The following CLASP1 variants were observed in gnomAD, a reference collection of about 807,000 sequenced individuals.
The protein encoded by CLASP1 is CLIP-associating protein 1.
A neutral mutation model predicts 192.3 loss-of-function variants in CLASP1; 38 were observed. That is an observed-to-expected ratio of 0.20 (90% CI 0.15 to 0.26). CLASP1 has a LOEUF of 0.26. CLASP1 is among the 10% of genes least tolerant of loss of function. The pLI, the probability that CLASP1 is intolerant of heterozygous loss-of-function variation, is 1.00. For synonymous variants in CLASP1, 691 were observed against 712.8 expected (o/e 0.97, Z 0.49); for missense variants, 1,433 against 1,932.5 (o/e 0.74, Z 4.85).
chr2:121,387,191 C>G, exon 32 of CLASP1: 1 of 1,609,696 alleles, frequency 6.2e-7, no homozygotes, highest in Non-Finnish European at 8.5e-7. Flanking sequence ...GCTGGTGTGT[C>G]GGGAGGGCGT....
At chr2:121,504,408 A>G (rs764092924) in intron 7 of CLASP1, among the ~76,000 whole-genome samples, 14 of 152,134 alleles carry the variant, frequency 9.2e-5, no homozygotes, top group Admixed American at 1.3e-4. Flanking sequence ...TTTTCTTCTC[A>G]AGCGAATGGA....
intron 1 of CLASP1, among the ~76,000 whole-genome samples, chr2:121,615,643 G>A (rs2066325572): frequency 1.3e-5 from 2 of 152,024 alleles, no homozygotes; most frequent in Non-Finnish European, 1.5e-5. Flanking sequence ...AATTAGCAGG[G>A]TGTGGTGGCA....
At chr2:121,365,554 A>G (rs2067240181) in intron 35 of CLASP1, among the ~76,000 whole-genome samples, 1 of 152,170 alleles carries the variant, frequency 6.6e-6, no homozygotes, top group Admixed American at 6.5e-5. Context: ...CTTCCTTGCT[A>G]TCTTTTCCCT....
At chr2:121,546,673 G>C (rs1030945741) in intron 2 of CLASP1, among the ~76,000 whole-genome samples, 1 of 152,026 alleles carries the variant, frequency 6.6e-6, no homozygotes, top group Non-Finnish European at 1.5e-5. Flanking sequence ...GAGCTACATG[G>C]AATCTTGGCA....
intron 30 of CLASP1, among the ~76,000 whole-genome samples, chr2:121,393,650 A>G (rs1352595640): frequency 6.6e-6 from 1 of 152,190 alleles, no homozygotes; most frequent in East Asian, 1.9e-4. Context: ...AACTATATTT[A>G]TAAATGTTCA....
intron 19 of CLASP1, among the ~76,000 whole-genome samples, chr2:121,434,768 T>C (rs567322253): frequency 1.1e-4 from 16 of 149,928 alleles, no homozygotes; most frequent in African/African-American, 3.4e-4. Flanking sequence ...GGCAGGTGGA[T>C]TACTTGAGGC....
At chr2:121,478,116 T>C (rs2091862125) in intron 8 of CLASP1, among the ~76,000 whole-genome samples, 1 of 152,124 alleles carries the variant, frequency 6.6e-6, no homozygotes, top group African/African-American at 2.4e-5. Context: ...TTCAGCAACA[T>C]ATAAAAATAA....
intron 9 of CLASP1, among the ~76,000 whole-genome samples, chr2:121,464,693 T>C (rs1376745354): frequency 6.6e-6 from 1 of 152,146 alleles, no homozygotes; most frequent in East Asian, 1.9e-4. Context: ...TTGATGGGGT[T>C]GTTTGTTTTT....
chr2:121,457,252 T>C (rs540693993), intron 14 of CLASP1, among the ~76,000 whole-genome samples: 1 of 152,308 alleles, frequency 6.6e-6, no homozygotes, highest in Non-Finnish European at 1.5e-5. Flanking sequence ...AACACATACC[T>C]TTCCCCTCAC....
At chr2:121,629,486 A>T (rs115396293) in intron 1 of CLASP1, among the ~76,000 whole-genome samples, 184 of 152,182 alleles carry the variant, frequency 1.2e-3, no homozygotes, top group African/African-American at 4.2e-3. Context: ...AGCAAACTAG[A>T]AAACAATTAG....
chr2:121,380,794 A>C (rs2071453447), intron 33 of CLASP1, among the ~76,000 whole-genome samples: 1 of 152,360 alleles, frequency 6.6e-6, no homozygotes. Context: ...CCCTGCCTCC[A>C]ATGGGCAACA....
intron 2 of CLASP1, among the ~76,000 whole-genome samples, chr2:121,569,756 G>A (rs1363670275): frequency 2.6e-5 from 4 of 152,030 alleles, no homozygotes; most frequent in South Asian, 2.1e-4. Context: ...CAGGAGAATC[G>A]CTTGAACCCA....
chr2:121,522,983 C>A (rs1227252613), intron 6 of CLASP1, among the ~76,000 whole-genome samples: 1 of 152,134 alleles, frequency 6.6e-6, no homozygotes, highest in African/African-American at 2.4e-5. Flanking sequence ...CTACTTAGAC[C>A]AACAGGTCAC....
At chr2:121,367,519 C>T in intron 35 of CLASP1, 69 bp downstream of exon 36, 1 of 1,597,706 alleles carries the variant, frequency 6.3e-7, no homozygotes, top group Non-Finnish European at 8.6e-7. Context: ...GGGCCTGGTG[C>T]TGGCCAGACG....
At chr2:121,553,657 C>T (rs879558673) in intron 2 of CLASP1, among the ~76,000 whole-genome samples, 9 of 151,972 alleles carry the variant, frequency 5.9e-5, no homozygotes, top group Non-Finnish European at 1.2e-4. Flanking sequence ...GCCAAGATCG[C>T]GTCACTACAC....
intron 21 of CLASP1, among the ~76,000 whole-genome samples, chr2:121,426,880 A>G (rs906854871): frequency 1.3e-5 from 2 of 152,156 alleles, no homozygotes; most frequent in African/African-American, 2.4e-5. Context: ...GCATTGACAG[A>G]TTACCTCCCT....
At chr2:121,459,819 A>C in intron 12 of CLASP1, 161 bp downstream of exon 12, 1 of 527,640 alleles carries the variant, frequency 1.9e-6, no homozygotes, top group East Asian at 3.3e-5. Context: ...TTGAGCAAAA[A>C]GTATTGTAAA....
chr2:121,397,074 A>C, intron 30 of CLASP1, 66 bp downstream of exon 31: 1 of 1,550,582 alleles, frequency 6.4e-7, no homozygotes, highest in Non-Finnish European at 8.9e-7. Context: ...TCAAGTTTCT[A>C]AATACATTTC....
intron 2 of CLASP1, among the ~76,000 whole-genome samples, chr2:121,563,627 T>C (rs947081155): frequency 4.6e-5 from 7 of 152,218 alleles, no homozygotes; most frequent in African/African-American, 1.4e-4. Flanking sequence ...TTCCAACTTT[T>C]TGTAAAACAA....
Sources: gnomAD v4.1 joint callset for allele counts (sites outside exome capture counted in the v4.1 genomes callset) on GRCh38, gnomAD v4.1.1 for gene constraint, MANE v1.5 for transcripts, NCBI Gene and HGNC (gene_info 2026-07-23, HGNC 2026-07-21) for gene names.